The following CERS6 variants were observed in gnomAD, a reference collection of about 807,000 sequenced individuals.
The protein encoded by CERS6 is LAG1 homolog, ceramide synthase 6.
Under a neutral mutation model 56.8 loss-of-function variants are expected in CERS6, and 26 were observed. That is an observed-to-expected ratio of 0.46 (90% CI 0.34 to 0.63). The LOEUF is 0.63. Among genes scored for constraint, CERS6 ranks in the 30% least tolerant of loss-of-function variants. The pLI, the probability that CERS6 is intolerant of heterozygous loss-of-function variation, is 0.01. For synonymous variants in CERS6, 164 were observed against 173.3 expected, an observed-to-expected ratio of 0.95 and a Z score of 0.42; for missense variants, 415 against 467.5, an observed-to-expected ratio of 0.89 and a Z score of 1.04.
At chr2:168,478,152 G>T (rs1220672816) in intron 1 of CERS6, among the ~76,000 whole-genome samples, 1 of 151,778 alleles carries the variant, frequency 6.6e-6, no homozygotes, top group Non-Finnish European at 1.5e-5. Context: ...TCTTGAACTA[G>T]TCAGTTTCCC....
intron 3 of CERS6, among the ~76,000 whole-genome samples, chr2:168,578,651 T>C (rs552025552): frequency 2.0e-5 from 3 of 152,202 alleles, no homozygotes; most frequent in Admixed American, 1.3e-4. Flanking sequence ...AAGCAGCATG[T>C]TTTTATTTCT....
intron 4 of CERS6, among the ~76,000 whole-genome samples, chr2:168,678,677 G>C (rs1020057912): frequency 6.6e-6 from 1 of 152,106 alleles, no homozygotes; most frequent in Admixed American, 6.5e-5. Context: ...AGAAGCCCTC[G>C]TAAAAATCCC....
chr2:168,767,992 CT>C (rs528819892), intron 9 of CERS6, among the ~76,000 whole-genome samples: 91 of 152,292 alleles, frequency 6.0e-4, no homozygotes, highest in Admixed American at 1.3e-3. Flanking sequence ...GGTAAAAATG[CT>C]TACCATAATT....
intron 1 of CERS6, among the ~76,000 whole-genome samples, chr2:168,520,757 G>A (rs978755752): frequency 6.6e-6 from 1 of 151,228 alleles, no homozygotes; most frequent in Non-Finnish European, 1.5e-5. Context: ...TTATAGGCAC[G>A]CACCAACACA....
chr2:168,608,170 TC>T (rs1684099291), intron 3 of CERS6, among the ~76,000 whole-genome samples: 1 of 152,244 alleles, frequency 6.6e-6, no homozygotes, highest in Non-Finnish European at 1.5e-5. Flanking sequence ...GCTAACTTCT[TC>T]CACTTGGCAT....
intron 8 of CERS6, among the ~76,000 whole-genome samples, chr2:168,764,099 T>G (rs1684659977): frequency 6.6e-6 from 1 of 152,206 alleles, no homozygotes; most frequent in Non-Finnish European, 1.5e-5. Context: ...AAATACATAC[T>G]CTTACGTACT....
intron 5 of CERS6, among the ~76,000 whole-genome samples, chr2:168,693,094 G>A (rs998785275): frequency 6.6e-6 from 1 of 152,056 alleles, no homozygotes; most frequent in African/African-American, 2.4e-5. Flanking sequence ...ATAATGTGAA[G>A]TTGCATTCAG....
chr2:168,500,104 G>A (rs980768782), intron 1 of CERS6, among the ~76,000 whole-genome samples: 1 of 152,142 alleles, frequency 6.6e-6, no homozygotes, highest in East Asian at 1.9e-4. Flanking sequence ...TCATTCATAG[G>A]AAGTGCCTAC....
chr2:168,563,573 G>A (rs528939069), intron 3 of CERS6, among the ~76,000 whole-genome samples: 1 of 152,244 alleles, frequency 6.6e-6, no homozygotes, highest in African/African-American at 2.4e-5. Context: ...CGAGGCGGGC[G>A]GATCATGAGG....
At chr2:168,477,050 AG>A (rs1694084376) in intron 1 of CERS6, among the ~76,000 whole-genome samples, 1 of 152,138 alleles carries the variant, frequency 6.6e-6, no homozygotes, top group Non-Finnish European at 1.5e-5. Context: ...GACAAGCCTA[AG>A]ATCAAGGCAC....
chr2:168,618,944 A>G (rs570810843), intron 3 of CERS6, among the ~76,000 whole-genome samples: 6 of 152,164 alleles, frequency 3.9e-5, no homozygotes, highest in Admixed American at 6.5e-5. Context: ...CAAAAGAACA[A>G]ATCTGGAGGC....
At chr2:168,609,974 GTT>G (rs5836191) in intron 3 of CERS6, among the ~76,000 whole-genome samples, 298 of 93,842 alleles carry the variant, frequency 3.2e-3, no homozygotes, top group African/African-American at 0.012. Context: ...AGATGTGACT[GTT>G]TTTTTTTTTT....
chr2:168,635,688 G>T (rs1684846190), intron 4 of CERS6, among the ~76,000 whole-genome samples: 1 of 152,126 alleles, frequency 6.6e-6, no homozygotes, highest in Non-Finnish European at 1.5e-5. Context: ...CATGAAGGTT[G>T]CCCCATTACA....
intron 1 of CERS6, among the ~76,000 whole-genome samples, chr2:168,539,854 T>C (rs1020373350): frequency 3.0e-4 from 45 of 152,194 alleles, no homozygotes; most frequent in Non-Finnish European, 7.4e-5. Context: ...CACAGTTTGG[T>C]GTGGGAATAT....
At chr2:168,762,438 G>A (rs1023578080) in intron 8 of CERS6, among the ~76,000 whole-genome samples, 1 of 152,076 alleles carries the variant, frequency 6.6e-6, no homozygotes, top group Admixed American at 6.6e-5. Context: ...TAACTCTGGT[G>A]TTTATTAATA....
At chr2:168,535,719 A>G (rs1277560683) in intron 1 of CERS6, among the ~76,000 whole-genome samples, 4 of 96,292 alleles carry the variant, frequency 4.2e-5, no homozygotes, top group Non-Finnish European at 8.6e-5. Flanking sequence ...TCATATGTCT[A>G]TTGGTCATTT....
chr2:168,687,924 G>A (rs748182576), intron 4 of CERS6, among the ~76,000 whole-genome samples: 20 of 152,146 alleles, frequency 1.3e-4, no homozygotes, highest in Non-Finnish European at 2.8e-4. Context: ...GGCCGGTCTT[G>A]AGCTCCTGGG....
chr2:168,542,282 G>A (rs1418419566), intron 1 of CERS6, among the ~76,000 whole-genome samples: 2 of 152,190 alleles, frequency 1.3e-5, no homozygotes, highest in East Asian at 1.9e-4. Context: ...ATAGTACAAT[G>A]AGATCTCATG....
chr2:168,558,760 T>C (rs1449051790), intron 2 of CERS6, among the ~76,000 whole-genome samples: 3 of 152,200 alleles, frequency 2.0e-5, no homozygotes, highest in African/African-American at 7.2e-5. Context: ...TCCCAGCTAC[T>C]CTGGATGCTG....
Sources: allele counts gnomAD v4.1 joint callset (sites outside exome capture counted in the v4.1 genomes callset), GRCh38; gene constraint gnomAD v4.1.1; transcripts MANE v1.5; gene names NCBI Gene and HGNC (gene_info 2026-07-23, HGNC 2026-07-21).